Variants in IGF1R observed in about 807,000 individuals in gnomAD.
IGF1R encodes insulin-like growth factor 1 receptor.
IGF1R carries 44 observed loss-of-function variants against 144.6 expected under a neutral mutation model. The observed-to-expected ratio is 0.30, with a 90% CI of 0.24 to 0.39. The LOEUF (loss-of-function observed/expected upper bound fraction) is 0.39, where lower values mean the gene tolerates loss of function less well. Ranked by LOEUF, IGF1R falls within the 10% of genes least tolerant of loss-of-function variation. The pLI is 1.00. For synonymous variants in IGF1R, 795 were observed against 722.8 expected (o/e 1.10, Z -1.60); for missense variants, 1,355 against 1,833.7 (o/e 0.74, Z 4.77).
intron 20 of IGF1R, among the ~76,000 whole-genome samples, chr15:98,956,142 G>T (rs1323354617): frequency 1.1e-4 from 16 of 152,218 alleles, no homozygotes; most frequent in Admixed American, 9.8e-4. Context: ...CCTTGTCCAC[G>T]TGTGGCCGGC....
chr15:98,926,549 T>C (rs11247382), intron 13 of IGF1R, among the ~76,000 whole-genome samples: 40,455 of 152,200 alleles, frequency 0.27, 5,947 homozygotes, highest in East Asian at 0.33. Context: ...AAACAATATG[T>C]TGTACATGAT....
At chr15:98,662,383 G>T in intron 1 of IGF1R, among the ~76,000 whole-genome samples, 1 of 152,128 alleles carries the variant, frequency 6.6e-6, no homozygotes, top group East Asian at 1.9e-4. Flanking sequence ...TTGCTTCTCT[G>T]TGCCTGAAGA....
intron 2 of IGF1R, among the ~76,000 whole-genome samples, chr15:98,813,402 A>C (rs1206640419): frequency 1.3e-5 from 2 of 152,154 alleles, no homozygotes; most frequent in Non-Finnish European, 2.9e-5. Context: ...GACAGCCCCT[A>C]CACCCCAGAG....
Position 98,959,911 on chromosome 15 carries a change from A to G in IGF1R, c.*2469A>G. On this transcript the variant is annotated 3_prime_UTR_variant, in exon 21 of 21. Transcript: ENST00000650285. ...TTTTCTTTTAATTTATTTTGTGATA[A>G]ATTACCAGTTTCAATCACTGTAGAA... 4.3e-6 allele frequency: 1 copy of G among 233,086 alleles called. No homozygotes were observed. Among genetic ancestry groups the G allele is most frequent in the Non-Finnish European group, 8.5e-6 (1 of 118,012 alleles). 14.4% of individuals were successfully genotyped at this position (233,086 alleles called of 1,614,324 possible). A position where few individuals can be genotyped will look rare whatever the true frequency, so the allele number is the denominator to read the frequency against.
chr15:98,799,761 A>G (rs546081313), intron 2 of IGF1R, among the ~76,000 whole-genome samples: 4 of 152,008 alleles, frequency 2.6e-5, no homozygotes, highest in African/African-American at 4.8e-5. Context: ...TCGTGGTGTT[A>G]AATTTGGTAT....
intron 20 of IGF1R, among the ~76,000 whole-genome samples, chr15:98,955,634 C>T (rs2016949174): frequency 1.3e-5 from 2 of 152,340 alleles, no homozygotes; most frequent in South Asian, 4.1e-4. Context: ...GGCCCACCCT[C>T]CCTCAAGGTT....
chr15:98,785,969 A>G (rs774286176), intron 2 of IGF1R, among the ~76,000 whole-genome samples: 46 of 152,132 alleles, frequency 3.0e-4, no homozygotes, highest in Non-Finnish European at 5.9e-4. Flanking sequence ...TGTCTAATCC[A>G]ATTATGGATG....
At chr15:98,836,809 G>A (rs921315877) in intron 2 of IGF1R, among the ~76,000 whole-genome samples, 15 of 152,174 alleles carry the variant, frequency 9.9e-5, no homozygotes, top group South Asian at 2.1e-4. Flanking sequence ...TGGACAGGTT[G>A]TTGCATAGAA....
At chr15:98,686,170 T>A (rs1029771585) in intron 1 of IGF1R, among the ~76,000 whole-genome samples, 1 of 152,276 alleles carries the variant, frequency 6.6e-6, no homozygotes, top group African/African-American at 2.4e-5. Context: ...TTTATGAGCA[T>A]AATGTCCTCA....
At chr15:98,951,546 G>A (rs1027064490) in intron 20 of IGF1R, among the ~76,000 whole-genome samples, 2 of 152,266 alleles carry the variant, frequency 1.3e-5, no homozygotes, top group East Asian at 1.9e-4. Flanking sequence ...GGCGAGGAAC[G>A]CAGGAGCGGC....
At chr15:98,768,513 G>T (rs891768211) in intron 2 of IGF1R, among the ~76,000 whole-genome samples, 1 of 151,534 alleles carries the variant, frequency 6.6e-6, no homozygotes, top group African/African-American at 2.4e-5. Context: ...TACTTGGGAG[G>T]CTGAGGCAGG....
At chr15:98,882,227 A>G (rs1464478390) in intron 2 of IGF1R, among the ~76,000 whole-genome samples, 1 of 152,202 alleles carries the variant, frequency 6.6e-6, no homozygotes. Context: ...ATATTGTTTG[A>G]AAGTCTGACC....
chr15:98,915,060 G>A (rs1024656070), intron 8 of IGF1R, among the ~76,000 whole-genome samples: 3 of 152,142 alleles, frequency 2.0e-5, no homozygotes, highest in East Asian at 3.9e-4. Flanking sequence ...AATGGCTTAG[G>A]CAAACATATT....
rs1171490584 is a variant in IGF1R at position 98,948,693 on chromosome 15, A to G, written c.3707A>G (p.Asn1236Ser). ...GGCGGCCTTCTGGACAAGCCAGACA[A>G]CTGTCCTGACATGCTGTACGTACTT... ...MEGGLLDKPD[N>S]CPDMLFELMR... Residue 1236 changes from asparagine to serine, a missense_variant, in exon 20 of 21, where the codon AAC becomes AGC. Asn to Ser is a conservative substitution (Grantham distance 46). Transcript: ENST00000650285. 1 of 1,614,036 alleles carries G rather than the reference A, an allele frequency of 6.2e-7. No homozygotes were observed. Among genetic ancestry groups the G allele is most frequent in the Admixed American group, 1.7e-5 (1 of 60,018 alleles).
In IGF1R at chr15:98,649,049, G is replaced by GGC. The variant is rs1279495906; in HGVS notation, c.-532_-531insCG. 3 of 189,332 alleles carry GGC rather than the reference G, an allele frequency of 1.6e-5. 1 individual carries two copies. In the East Asian group the frequency reaches 2.1e-4, roughly 13 times the overall value. 11.7% of individuals were successfully genotyped at this position (189,332 alleles called of 1,614,324 possible). A position where few individuals can be genotyped will look rare whatever the true frequency, so the allele number is the denominator to read the frequency against. On this transcript the variant is annotated 5_prime_UTR_variant, in exon 1 of 21. Transcript: ENST00000650285. ...CGGAGCCAGGAGGAGGAGGAGGAGG[G>GGC]GGAGCCGCTCATTCATTTTGACTCC...
chr15:98,907,512 T>A (rs1227783310), intron 5 of IGF1R, among the ~76,000 whole-genome samples: 1 of 152,166 alleles, frequency 6.6e-6, no homozygotes, highest in Admixed American at 6.5e-5. Context: ...CTGCACTGAT[T>A]CCCAAACTTA....
intron 2 of IGF1R, among the ~76,000 whole-genome samples, chr15:98,728,015 T>TTG (rs1034556231): frequency 6.7e-6 from 1 of 150,002 alleles, no homozygotes; most frequent in African/African-American, 2.5e-5. Flanking sequence ...TTGTTTTTTT[T>TTG]TTTTTTTTTT....
chr15:98,841,279 T>A (rs1374893050), intron 2 of IGF1R, among the ~76,000 whole-genome samples: 1 of 152,224 alleles, frequency 6.6e-6, no homozygotes, highest in Non-Finnish European at 1.5e-5. Context: ...AAATACTGAT[T>A]GGGTTCAAAT....
chr15:98,899,431 C>G (rs1231732877), intron 4 of IGF1R, 46 bp from the exon 5 acceptor site: 4 of 1,602,196 alleles, frequency 2.5e-6, no homozygotes, highest in Non-Finnish European at 3.4e-6. Flanking sequence ...GTATGTCACC[C>G]TTACACCAAG....
Sources: gnomAD v4.1 joint callset for allele counts (sites outside exome capture counted in the v4.1 genomes callset) on GRCh38, gnomAD v4.1.1 for gene constraint, MANE v1.5 for transcripts, NCBI Gene and HGNC (gene_info 2026-07-23, HGNC 2026-07-21) for gene names.